The following GALK2 variants were observed in gnomAD, a reference collection of about 807,000 sequenced individuals.
The protein encoded by GALK2 is N-acetylgalactosamine kinase.
A neutral mutation model predicts 52.4 loss-of-function variants in GALK2; 36 were observed. The ratio of observed to expected loss-of-function variants is 0.69; its 90% CI spans 0.53 to 0.91. GALK2 has a LOEUF of 0.91. Among genes scored for constraint, GALK2 ranks in the 40% least tolerant of loss-of-function variants. The probability of loss-of-function intolerance (pLI) is 0.00; values close to 1 mark genes in which losing one functional copy is unlikely to be tolerated. For synonymous variants in GALK2, 176 were observed against 199.1 expected (o/e 0.88, Z 0.98); for missense variants, 579 against 559.1 (o/e 1.04, Z -0.36).
intron 3 of GALK2, among the ~76,000 whole-genome samples, chr15:49,350,645 T>G (rs2042104123): frequency 1.3e-5 from 2 of 152,162 alleles, no homozygotes; most frequent in African/African-American, 4.8e-5. Context: ...AGAACCCCTA[T>G]GAGGGTACTG....
chr15:49,292,424 T>A lies in GALK2; in HGVS notation c.854T>A (p.Val285Asp). The stretch of plus-strand genomic sequence containing the variant: ...ATTAGTCTAGAAGAAATGCTGTTGG[T>A]CACAGAAGATGCCCTTCATCCTGAA... ...LGISLEEMLL[V>D]TEDALHPEPY... The change falls in exon 8 of 10, where the codon GTC becomes GAC. Residue 285 changes from valine (V) to aspartate (D), a missense_variant. Val to Asp is a radical substitution (Grantham distance 152, BLOSUM62 -3). Coordinates refer to ENST00000560031, the MANE Select transcript of GALK2 (RefSeq NM_002044.4). 6.2e-7 allele frequency: 1 copy of A among 1,614,042 alleles called. No homozygotes were observed.
chr15:49,356,242 T>G (rs2043148018), intron 3 of GALK2, among the ~76,000 whole-genome samples: 1 of 150,130 alleles, frequency 6.7e-6, no homozygotes. Context: ...ACATAACAAT[T>G]TAAATGTAAA....
At chr15:49,309,257 C>A (rs1253571683) in intron 8 of GALK2, among the ~76,000 whole-genome samples, 1 of 152,138 alleles carries the variant, frequency 6.6e-6, no homozygotes, top group East Asian at 1.9e-4. Flanking sequence ...AATATATAAT[C>A]CTAAAAGATT....
chr15:49,366,035 TTAGA>T, intron 3 of GALK2: 1 of 806,990 alleles, frequency 1.2e-6, no homozygotes, highest in South Asian at 1.3e-5. Flanking sequence ...GGACTAAAAG[TTAGA>T]TATTCTTCCT....
chr15:49,233,043 T>C (rs2090592033), intron 3 of GALK2, among the ~76,000 whole-genome samples: 1 of 152,140 alleles, frequency 6.6e-6, no homozygotes, highest in Non-Finnish European at 1.5e-5. Flanking sequence ...AATGCCCCTG[T>C]CCTTGTTACC....
chr15:49,301,556 T>C (rs1392652253), intron 8 of GALK2, among the ~76,000 whole-genome samples: 3 of 151,926 alleles, frequency 2.0e-5, no homozygotes, highest in African/African-American at 7.3e-5. Context: ...AGAACACACA[T>C]TGGAGGACAG....
chr15:49,202,711 T>C (rs1413026462), intron 2 of GALK2, among the ~76,000 whole-genome samples: 1 of 152,228 alleles, frequency 6.6e-6, no homozygotes, highest in Non-Finnish European at 1.5e-5. Context: ...TCTTTGGATA[T>C]ATACCTAGTA....
At chr15:49,365,557 G>C in intron 3 of GALK2, 3 of 884,968 alleles carry the variant, frequency 3.4e-6, no homozygotes, top group South Asian at 2.6e-5. Context: ...ATTTTCAAAA[G>C]GTCCAGCTGC....
chr15:49,286,373 A>G (rs1241970951), intron 7 of GALK2, among the ~76,000 whole-genome samples: 3 of 152,254 alleles, frequency 2.0e-5, no homozygotes, highest in African/African-American at 7.2e-5. Flanking sequence ...TTTTACAAGT[A>G]CCTATTGTAT....
chr15:49,334,859 T>C (rs1447255149), downstream of GALK2, among the ~76,000 whole-genome samples: 1 of 152,154 alleles, frequency 6.6e-6, no homozygotes, highest in Non-Finnish European at 1.5e-5. Context: ...CCCTGCCCAT[T>C]TGTTCTTGTA....
chr15:49,312,871 A>C (rs1014618724), intron 8 of GALK2, among the ~76,000 whole-genome samples: 11 of 152,230 alleles, frequency 7.2e-5, no homozygotes, highest in Non-Finnish European at 7.3e-5. Context: ...ATTGTTTATC[A>C]GTGCACCTAT....
chr15:49,343,502 C>T (rs1182078689), intron 3 of GALK2: 3 of 152,108 alleles, frequency 2.0e-5, no homozygotes, highest in South Asian at 4.1e-4. Flanking sequence ...GGAAGAGTGA[C>T]TGTATTTTCA....
At chr15:49,206,920 C>T (rs901352790) in intron 2 of GALK2, among the ~76,000 whole-genome samples, 1 of 152,086 alleles carries the variant, frequency 6.6e-6, no homozygotes, top group Non-Finnish European at 1.5e-5. Flanking sequence ...TGTCCCAGTT[C>T]TCAGAGGGAA....
intron 1 of GALK2, among the ~76,000 whole-genome samples, chr15:49,192,487 A>ATATATATG (rs55900640): frequency 0.28 from 6,363 of 22,662 alleles, 122 homozygotes; most frequent in Non-Finnish European, 0.35. Context: ...ATATATATGT[A>ATATATATG]TATATATATA....
intron 2 of GALK2, among the ~76,000 whole-genome samples, chr15:49,211,279 C>T (rs1441381229): frequency 6.6e-6 from 1 of 152,168 alleles, no homozygotes; most frequent in African/African-American, 2.4e-5. Flanking sequence ...CAAAAGTGAC[C>T]TTTACTCTAG....
intron 5 of GALK2, among the ~76,000 whole-genome samples, chr15:49,273,853 T>C (rs1168736767): frequency 6.6e-6 from 1 of 152,214 alleles, no homozygotes; most frequent in Non-Finnish European, 1.5e-5. Context: ...TTAATGTTTT[T>C]ACTTTATCTA....
At chr15:49,347,995 G>A (rs2041755589) in intron 3 of GALK2, among the ~76,000 whole-genome samples, 1 of 146,700 alleles carries the variant, frequency 6.8e-6, no homozygotes, top group African/African-American at 2.5e-5. Flanking sequence ...CTCCAGCCTG[G>A]GTGACAAGAG....
At chr15:49,160,002 G>A (rs1196443041) in intron 1 of GALK2, among the ~76,000 whole-genome samples, 2 of 152,034 alleles carry the variant, frequency 1.3e-5, no homozygotes, top group African/African-American at 4.8e-5. Flanking sequence ...GGCCAGGCAC[G>A]GTGGCTCGTG....
At chr15:49,250,971 C>T (rs2091570034) in intron 5 of GALK2, among the ~76,000 whole-genome samples, 1 of 152,098 alleles carries the variant, frequency 6.6e-6, no homozygotes, top group Non-Finnish European at 1.5e-5. Context: ...ATTAGATTAA[C>T]ATAAAAATGG....
Sources: gnomAD v4.1 joint callset for allele counts (sites outside exome capture counted in the v4.1 genomes callset) on GRCh38, gnomAD v4.1.1 for gene constraint, MANE v1.5 for transcripts, NCBI Gene and HGNC (gene_info 2026-07-23, HGNC 2026-07-21) for gene names.